CORO2B: variants seen among roughly 807,000 people sequenced by gnomAD.
CORO2B encodes coronin 2B.
Under a neutral mutation model 58.8 loss-of-function variants are expected in CORO2B, and 26 were observed. That is an observed-to-expected ratio of 0.44 (90% confidence interval 0.32 to 0.61). The LOEUF (loss-of-function observed/expected upper bound fraction) is 0.61, where lower values mean the gene tolerates loss of function less well. Ranked by LOEUF, CORO2B falls within the 20% of genes least tolerant of loss-of-function variation. CORO2B has a pLI of 0.04. For synonymous variants in CORO2B, 242 were observed against 253.8 expected, an observed-to-expected ratio of 0.95 and a Z score of 0.44; for missense variants, 460 against 645.1, an observed-to-expected ratio of 0.71 and a Z score of 3.11.
At chr15:68,617,429 G>C (rs550520521) in intron 1 of CORO2B, among the ~76,000 whole-genome samples, 12 of 152,326 alleles carry the variant, frequency 7.9e-5, no homozygotes, top group African/African-American at 2.9e-4. Context: ...TCTAGTCCCA[G>C]TTGTGCTACT....
At position 68,675,138 on chromosome 15, in the gene CORO2B, G is replaced by C. The variant is rs140284147; in HGVS notation, c.217-20002G>C. On this transcript the variant is annotated intron_variant, in intron 2 of 11. Coordinates refer to ENST00000261861, the MANE Select transcript of CORO2B (RefSeq NM_006091.5). The stretch of plus-strand genomic sequence containing the variant: ...TGAGCCACACTGAAATTGGGAAATA[G>C]AGCAGAAGGTAATCTGAAGAAGGCA... Among the ~76,000 whole-genome samples, 3 of 152,334 alleles carry C rather than the reference G, an allele frequency of 2.0e-5. No homozygotes were observed. In the East Asian group the frequency reaches 5.8e-4, roughly 29 times the overall value.
At chr15:68,684,489 C>T (rs8032929) in intron 2 of CORO2B, among the ~76,000 whole-genome samples, 3,542 of 152,286 alleles carry the variant, frequency 0.023, 142 homozygotes, top group African/African-American at 0.078. Flanking sequence ...ATGGCACGTA[C>T]ATATGTGTGT....
chr15:68,609,604 C>T (rs763362599), intron 1 of CORO2B, among the ~76,000 whole-genome samples: 4 of 152,204 alleles, frequency 2.6e-5, no homozygotes, highest in Admixed American at 6.5e-5. Flanking sequence ...GGGTTTTCAT[C>T]TCCTCTTTGC....
At position 68,726,075 on chromosome 15, in the gene CORO2B, A is replaced by T. The variant is rs1049276025; in HGVS notation, c.*101A>T. Reference sequence around the variant, plus strand: ...ACCCCAGAGACAGAGCCAGGACAGGAGTGGGGGCCAGCCTGAGGACCCCCG... The same window carrying T: ...ACCCCAGAGACAGAGCCAGGACAGGTGTGGGGGCCAGCCTGAGGACCCCCG... On this transcript the variant is annotated 3_prime_UTR_variant, in exon 12 of 12. Coordinates refer to ENST00000261861, the MANE Select transcript of CORO2B (RefSeq NM_006091.5). 5 of 1,496,590 alleles carry T rather than the reference A, an allele frequency of 3.3e-6. No homozygotes were observed. The African/African-American group carries it at 5.6e-5, about 17-fold the overall frequency. 92.7% of individuals were successfully genotyped at this position (1,496,590 alleles called of 1,614,324 possible). A position where few individuals can be genotyped will look rare whatever the true frequency, so the allele number is the denominator to read the frequency against.
At chr15:68,679,427 G>A (rs1331631288) in intron 2 of CORO2B, among the ~76,000 whole-genome samples, 1 of 152,224 alleles carries the variant, frequency 6.6e-6, no homozygotes, top group Admixed American at 6.5e-5. Context: ...CACCCTTGGT[G>A]AGGGTGACAG....
At chr15:68,627,958 C>A (rs1027214873) in intron 1 of CORO2B, among the ~76,000 whole-genome samples, 1 of 152,018 alleles carries the variant, frequency 6.6e-6, no homozygotes, top group Admixed American at 6.5e-5. Context: ...CTTCTGTACC[C>A]GAAATCTTCC....
At chr15:68,693,149 C>A (rs1892424945) in intron 2 of CORO2B, among the ~76,000 whole-genome samples, 1 of 152,164 alleles carries the variant, frequency 6.6e-6, no homozygotes, top group Non-Finnish European at 1.5e-5. Flanking sequence ...TCTTTCTCTG[C>A]CTCATTCTGC....
At chr15:68,656,520 G>T (rs147156120) in intron 2 of CORO2B, among the ~76,000 whole-genome samples, 153 of 152,232 alleles carry the variant, frequency 1.0e-3, no homozygotes, top group Middle Eastern at 3.4e-3. Flanking sequence ...TGCACAGCTA[G>T]TTAGTGCCCC....
intron 1 of CORO2B, among the ~76,000 whole-genome samples, chr15:68,630,288 C>T (rs1208607664): frequency 2.0e-5 from 3 of 152,190 alleles, no homozygotes; most frequent in East Asian, 1.9e-4. Context: ...ATCGCTCCCT[C>T]GACCCAAGTG....
At chr15:68,553,205 G>A in the CORO2B span, among the ~76,000 whole-genome samples, 8 of 152,272 alleles carry the variant, frequency 5.3e-5, no homozygotes, top group African/African-American at 9.6e-5. Flanking sequence ...AGGGGTGGTC[G>A]GCTGAATGAT....
the CORO2B span, among the ~76,000 whole-genome samples, chr15:68,526,732 C>T: frequency 2.0e-5 from 3 of 152,100 alleles, no homozygotes; most frequent in Non-Finnish European, 2.9e-5. Context: ...TTTCAAAGAG[C>T]AGAAGTTTTA....
chr15:68,522,313 C>T, the CORO2B span, among the ~76,000 whole-genome samples: 7 of 152,154 alleles, frequency 4.6e-5, no homozygotes, highest in East Asian at 7.7e-4. Context: ...CTCTCTTTCT[C>T]GTCTGAGACT....
At chr15:68,654,596 G>C (rs965386845) in intron 2 of CORO2B, among the ~76,000 whole-genome samples, 1 of 152,218 alleles carries the variant, frequency 6.6e-6, no homozygotes, top group Non-Finnish European at 1.5e-5. Flanking sequence ...CCCCTTAGCT[G>C]TGAAACCCTA....
chr15:68,647,689 C>CAAA (rs3084725), intron 2 of CORO2B, among the ~76,000 whole-genome samples: 1,903 of 122,752 alleles, frequency 0.016, 58 homozygotes, highest in East Asian at 0.092. Flanking sequence ...AACTCCATCT[C>CAAA]AAAAAAAAAA....
At chr15:68,641,737 T>G (rs946592587) in intron 1 of CORO2B, 1 of 327,574 alleles carries the variant, frequency 3.1e-6, no homozygotes, top group African/African-American at 2.2e-5. Context: ...TTTTATTTAT[T>G]TTTTTGAGAC....
chr15:68,630,701 G>T (rs770447878), intron 1 of CORO2B, among the ~76,000 whole-genome samples: 1 of 152,128 alleles, frequency 6.6e-6, no homozygotes, highest in East Asian at 1.9e-4. Flanking sequence ...CAAGAGTTGC[G>T]GAGGAAGGAG....
chr15:68,604,216 A>C (rs1900052219), intron 1 of CORO2B, among the ~76,000 whole-genome samples: 1 of 152,052 alleles, frequency 6.6e-6, no homozygotes, highest in Non-Finnish European at 1.5e-5. Context: ...CCCTTGACGC[A>C]TACTCCAGGG....
the CORO2B span, among the ~76,000 whole-genome samples, chr15:68,553,579 G>A: frequency 6.6e-6 from 1 of 152,244 alleles, no homozygotes; most frequent in Non-Finnish European, 1.5e-5. Context: ...CTCCAGAACT[G>A]TAGGAGAGTA....
chr15:68,610,040 G>A (rs1009358335), intron 1 of CORO2B, among the ~76,000 whole-genome samples: 6 of 152,178 alleles, frequency 3.9e-5, no homozygotes, highest in Non-Finnish European at 2.9e-5. Context: ...GGCATAGAGA[G>A]AAAATGGATG....
Sources: gnomAD v4.1 joint callset for allele counts (sites outside exome capture counted in the v4.1 genomes callset) on GRCh38, gnomAD v4.1.1 for gene constraint, MANE v1.5 for transcripts, NCBI Gene and HGNC (gene_info 2026-07-23, HGNC 2026-07-21) for gene names.